The following ARID1A variants were observed in gnomAD, a reference collection of about 807,000 sequenced individuals.
ARID1A encodes AT-rich interactive domain-containing protein 1A.
Under a neutral mutation model 212.6 loss-of-function variants are expected in ARID1A, and 20 were observed. The observed-to-expected ratio is 0.09, with a 90% CI of 0.07 to 0.14. ARID1A has a LOEUF of 0.14. ARID1A is among the 10% of genes least tolerant of loss of function. The pLI, the probability that ARID1A is intolerant of heterozygous loss-of-function variation, is 1.00. For missense variants in ARID1A, 2,587 were observed against 3,059.0 expected (o/e 0.85, Z 3.64); for synonymous variants, 1,376 against 1,222.1 (o/e 1.13, Z -2.63).
chr1:26,780,317 C>G lies in ARID1A; in HGVS notation c.6419C>G (p.Pro2140Arg), dbSNP rs2124148858. 6.2e-7 allele frequency: 1 copy of G among 1,614,228 alleles called. No individual in the cohort carries two copies. The highest frequency in any genetic ancestry group is 8.5e-7 in the Non-Finnish European group (1 of 1,180,034). Residue 2140 changes from proline (P) to arginine (R), a missense_variant, in exon 20 of 20, where the codon CCC becomes CGC. This residue lies in a region of ARID1A where 168 missense variants were observed against 321.0 expected (regional missense o/e 0.52). Transcript: ENST00000324856. This position sits in a 1 kb window ranked among gnomAD's most constrained non-coding sequence, Gnocchi z 7.2. ...NNVDLILATP[P>R]FSRLEKLYST... ...GTGGACCTGATTCTGGCCACACCCC[C>G]CTTCAGCCGCCTGGAGAAGTTGTAT...
chr1:26,729,777 T>C lies in ARID1A; in HGVS notation c.1264T>C (p.Tyr422His). ...AGGACATGGGTACCCAGGGCAGCCA[T>C]ACGGGTCCCAGACCCCGCAGCGGTA... Reference protein sequence around the residue: ...QQGHGYPGQPYGSQTPQRYPM... With the variant: ...QQGHGYPGQPHGSQTPQRYPM... Residue 422 changes from tyrosine to histidine, a missense_variant, in exon 2 of 20, where the codon TAC becomes CAC. Transcript: ENST00000324856. 1.2e-6 allele frequency: 2 copies of C among 1,614,208 alleles called. No homozygotes were observed. The highest frequency in any genetic ancestry group is 1.7e-6 in the Non-Finnish European group (2 of 1,180,030).
At chr1:26,725,219 T>G (rs1403057353) in intron 1 of ARID1A, among the ~76,000 whole-genome samples, 1 of 152,194 alleles carries the variant, frequency 6.6e-6, no homozygotes, top group East Asian at 1.9e-4. Flanking sequence ...TTCCATCCCC[T>G]GCCTTGTGCC....
At position 26,780,329 on chromosome 1, in the gene ARID1A, T is replaced by G; in HGVS notation, c.6431T>G (p.Leu2144Arg). 2 of 1,614,216 alleles carry G rather than the reference T, an allele frequency of 1.2e-6. No homozygotes were observed. The highest frequency in any genetic ancestry group is 1.7e-6 in the Non-Finnish European group (2 of 1,180,020). Residue 2144 changes from leucine to arginine, a missense_variant, in exon 20 of 20, where the codon CTG becomes CGG. By Grantham distance (102) the Leu-to-Arg change is moderately radical. Coordinates refer to ENST00000324856, the MANE Select transcript of ARID1A (RefSeq NM_006015.6). This position sits in a 1 kb window ranked among gnomAD's most constrained non-coding sequence, Gnocchi z 7.2. ...CTGGCCACACCCCCCTTCAGCCGCC[T>G]GGAGAAGTTGTATAGCACTATGGTG... ...LILATPPFSR[L>R]EKLYSTMVRF...
rs1252630172 is a variant in ARID1A at position 26,779,711 on chromosome 1, A to G, written c.5813A>G (p.Lys1938Arg). The change falls in exon 20 of 20, where the codon AAG (lysine) becomes AGG (arginine). Residue 1938 changes from lysine to arginine, a missense_variant. Coordinates refer to ENST00000324856, the MANE Select transcript of ARID1A (RefSeq NM_006015.6). ...TCAGAGGCCATCAAGGAGAGCAGCA[A>G]GTTTCCATTTGGCATTAGCCCAGCA... ...KSSEAIKESS[K>R]FPFGISPAQS... The G allele has an allele frequency of 1.2e-6, 2 of 1,613,990 alleles. No individual in the cohort carries two copies. Among genetic ancestry groups the G allele is most frequent in the Admixed American group, 1.7e-5 (1 of 59,990 alleles).
At chr1:26,708,138 A>G (rs1249669053) in intron 1 of ARID1A, among the ~76,000 whole-genome samples, 1 of 151,912 alleles carries the variant, frequency 6.6e-6, no homozygotes, top group African/African-American at 2.4e-5. Flanking sequence ...CACTTGGTTT[A>G]TAGCTGCCTT....
intron 4 of ARID1A, among the ~76,000 whole-genome samples, chr1:26,752,622 A>G (rs1053006562): frequency 2.6e-5 from 4 of 151,938 alleles, no homozygotes; most frequent in Admixed American, 2.0e-4. Context: ...CTCCTCTCCT[A>G]CCTTTTCCTT....
At chr1:26,728,290 C>T (rs1304362247) in intron 1 of ARID1A, among the ~76,000 whole-genome samples, 1 of 152,128 alleles carries the variant, frequency 6.6e-6, no homozygotes, top group East Asian at 1.9e-4. Context: ...GCCTCTGTGG[C>T]TTATTGTCTT....
rs982668812 is a variant in ARID1A at position 26,726,180 on chromosome 1, T to G, written c.1138-3471T>G. On this transcript the variant is annotated intron_variant, in intron 1 of 19. Transcript: ENST00000324856. ...CTTGGGTTTGTTTTTTTTTGTTTTTTTTTTTTTTTTGAGACAGACTCTTGC... is the reference window on the plus strand; with the variant it reads ...CTTGGGTTTGTTTTTTTTTGTTTTTGTTTTTTTTTTGAGACAGACTCTTGC... Among the ~76,000 whole-genome samples the G allele has an allele frequency of 6.7e-5, 10 of 150,146 alleles. No homozygotes were observed. The South Asian group carries it at 1.1e-3, about 16-fold the overall frequency.
rs1279951512 is a variant in ARID1A at position 26,713,365 on chromosome 1, T to TC, written c.1137+15825_1137+15826insC. Among the ~76,000 whole-genome samples the TC allele has an allele frequency of 3.9e-5, 6 of 151,972 alleles. No individual in the cohort carries two copies. The East Asian group carries it at 1.2e-3, about 29-fold the overall frequency. On this transcript the variant is annotated intron_variant, in intron 1 of 19. Coordinates refer to ENST00000324856, the MANE Select transcript of ARID1A (RefSeq NM_006015.6). ...ACATCATTTTGGTGAAGATTGATTT[T>TC]TTTTTTTTTTTTTGGCAGAGTCTTG... is the stretch of plus-strand genomic sequence containing the variant.
rs751639614 is a variant in ARID1A, at chr1:26,707,200, A to ATTTT, written c.1137+9683_1137+9686dup. ...AGGCATGCGCCACCGCGGCTGGCTA[A>ATTTT]TTTTTTTTTTTTTTTTTTTTTTTTT... is the stretch of plus-strand genomic sequence containing the variant. On this transcript the variant is annotated intron_variant, in intron 1 of 19. Transcript: ENST00000324856. Among the ~76,000 whole-genome samples the ATTTT allele has an allele frequency of 5.9e-3, 607 of 102,602 alleles. 41 individuals are homozygous for ATTTT. Among genetic ancestry groups the ATTTT allele is most frequent in the Non-Finnish European group, 9.5e-3 (458 of 48,204 alleles). 67.3% of individuals were successfully genotyped at this position (102,602 alleles called of 152,430 possible). A position where few individuals can be genotyped will look rare whatever the true frequency, so the allele number is the denominator to read the frequency against.
chr1:26,746,708 A>G (rs1203145942), intron 4 of ARID1A, among the ~76,000 whole-genome samples: 5 of 151,970 alleles, frequency 3.3e-5, no homozygotes, highest in African/African-American at 9.7e-5. Flanking sequence ...CCTGGACAAC[A>G]TGGTGAAACC....
chr1:26,756,167 G>A (rs1004447950), intron 4 of ARID1A, among the ~76,000 whole-genome samples: 19 of 151,714 alleles, frequency 1.3e-4, no homozygotes, highest in African/African-American at 3.1e-4. Context: ...ATCCCAGAAC[G>A]TTAGGAGGCT....
At chr1:26,728,371 C>T (rs977078315) in intron 1 of ARID1A, among the ~76,000 whole-genome samples, 3 of 152,166 alleles carry the variant, frequency 2.0e-5, no homozygotes, top group African/African-American at 7.2e-5. Context: ...AAAAAACAAA[C>T]ACGTACAGAG....
Position 26,697,023 on chromosome 1 carries a change from TC to T in ARID1A, c.624del (p.Asn209ThrfsTer23). On this transcript the variant is annotated frameshift_variant, in exon 1 of 20. Coordinates refer to ENST00000324856, the MANE Select transcript of ARID1A (RefSeq NM_006015.6). LOFTEE classifies it high-confidence loss of function. The stretch of plus-strand genomic sequence containing the variant: ...CAGCAGAACTCTCACGACCACGGCT[TC>T]CCCAACCACCAGTACAACTCCTACT... ...GPQQNSHDHG[F>X]PNHQYNSYYP... 1 of 1,535,180 alleles carries T rather than the reference TC, an allele frequency of 6.5e-7. No homozygotes were observed. The highest frequency in any genetic ancestry group is 1.7e-4 in the Middle Eastern group (1 of 5,870).
intron 1 of ARID1A, chr1:26,729,114 A>T (rs1167384210): frequency 6.4e-6 from 1 of 156,080 alleles, no homozygotes; most frequent in East Asian, 1.9e-4. Context: ...CTTAATTCAG[A>T]GTTCCCATTC....
chr1:26,758,572 T>G lies in ARID1A; in HGVS notation c.1921-2284T>G, dbSNP rs566851545. ...AGGTTGAGGCTGTAGGGAGCTGGCA[T>G]CATGCCAATGTACTGCAGCCTGGGG... On this transcript the variant is annotated intron_variant, in intron 4 of 19. Transcript: ENST00000324856. Among the ~76,000 whole-genome samples, 4 of 150,426 alleles carry G rather than the reference T, an allele frequency of 2.7e-5. No homozygotes were observed. The South Asian group carries it at 8.4e-4, about 32-fold the overall frequency.
intron 4 of ARID1A, among the ~76,000 whole-genome samples, chr1:26,739,464 A>G (rs2080766720): frequency 6.6e-6 from 1 of 152,196 alleles, no homozygotes; most frequent in Admixed American, 6.5e-5. Context: ...TCAGAAGACC[A>G]CAATTGGAAT....
chr1:26,739,900 T>C (rs969013092), intron 4 of ARID1A, among the ~76,000 whole-genome samples: 3 of 152,010 alleles, frequency 2.0e-5, no homozygotes, highest in African/African-American at 7.3e-5. Flanking sequence ...TCACCTGGTG[T>C]CTTGCCACAA....
At position 26,779,516 on chromosome 1, in the gene ARID1A, C is replaced by G. The variant is rs143597306; in HGVS notation, c.5618C>G (p.Pro1873Arg). 1.9e-6 allele frequency: 3 copies of G among 1,614,102 alleles called. No individual in the cohort carries two copies. Among genetic ancestry groups the G allele is most frequent in the Admixed American group, 1.7e-5 (1 of 60,018 alleles). ...CTGCTGCCTTCCCGGCCTCACGCAC[C>G]CTGCCCACCAGCCCCTCGGAAGCAT... ...TELLPSRPHA[P>R]CPPAPRKHVT... Residue 1873 changes from proline (P) to arginine (R), a missense_variant, in exon 20 of 20, where the codon CCC becomes CGC. Pro to Arg is a moderately radical substitution (Grantham distance 103). Around this residue, in one of 11 missense-constraint regions of ARID1A, gnomAD observed 890 missense variants for 1,098.2 expected, o/e 0.81. Coordinates refer to ENST00000324856, the MANE Select transcript of ARID1A (RefSeq NM_006015.6).
Sources: allele counts gnomAD v4.1 joint callset (sites outside exome capture counted in the v4.1 genomes callset), GRCh38; gene constraint gnomAD v4.1.1; regional missense constraint gnomAD v4.1.1; non-coding constraint Gnocchi (gnomAD v3.1); transcripts MANE v1.5; gene names NCBI Gene and HGNC (gene_info 2026-07-23, HGNC 2026-07-21).